PLPP1: variants seen among roughly 807,000 people sequenced by gnomAD.
PLPP1 encodes the protein lipid phosphate phosphohydrolase 1a.
In PLPP1, 24 loss-of-function variants were observed where a neutral mutation model predicts 31.2. That is an observed-to-expected ratio of 0.77 (90% CI 0.56 to 1.08). The LOEUF (loss-of-function observed/expected upper bound fraction) is 1.08. PLPP1 is among the 50% of genes least tolerant of loss of function. PLPP1 has a pLI of 0.00. For missense variants in PLPP1, 319 were observed against 342.7 expected (o/e 0.93, Z 0.55); for synonymous variants, 146 against 126.3 (o/e 1.16, Z -1.05).
chr5:55,532,215 A>G (rs1440576043), intron 1 of PLPP1, among the ~76,000 whole-genome samples: 2 of 152,012 alleles, frequency 1.3e-5, no homozygotes, highest in Non-Finnish European at 2.9e-5. Context: ...CAGTTCCTCC[A>G]TTATATGTGA....
chr5:55,444,896 C>T (rs951176079), intron 3 of PLPP1, among the ~76,000 whole-genome samples: 3 of 151,836 alleles, frequency 2.0e-5, no homozygotes. Context: ...ACTACAGGTG[C>T]GCACCACCAC....
chr5:55,527,513 A>G (rs1561259063), intron 1 of PLPP1, among the ~76,000 whole-genome samples: 1 of 152,200 alleles, frequency 6.6e-6, no homozygotes, highest in African/African-American at 2.4e-5. Context: ...GCCATTAAGG[A>G]CACTGTAATT....
chr5:55,475,390 C>T lies in PLPP1; in HGVS notation c.119G>A (p.Cys40Tyr). ...AGGGTACTTGATGGACTCATCATTACAGAATACTCCTCGTTGGAAGGGGGT... is the reference window on the plus strand; with the variant it reads ...AGGGTACTTGATGGACTCATCATTATAGAATACTCCTCGTTGGAAGGGGGT... ...RHTPFQRGVF[C>Y]NDESIKYPYK... Residue 40 changes from cysteine to tyrosine, a missense_variant, in exon 2 of 6, where the codon TGT becomes TAT. Transcript: ENST00000307259. 6.2e-7 allele frequency: 1 copy of T among 1,612,684 alleles called. No homozygotes were observed. The highest frequency in any genetic ancestry group is 1.1e-5 in the South Asian group (1 of 90,964).
At chr5:55,482,334 T>TCAGTTTC (rs1752689471) in intron 1 of PLPP1, among the ~76,000 whole-genome samples, 1 of 151,686 alleles carries the variant, frequency 6.6e-6, no homozygotes, top group African/African-American at 2.4e-5. Context: ...GGAAATATGG[T>TCAGTTTC]CAGTTTCCAC....
intron 3 of PLPP1, among the ~76,000 whole-genome samples, chr5:55,458,937 A>C (rs557008851): frequency 2.0e-5 from 3 of 149,964 alleles, no homozygotes; most frequent in East Asian, 3.9e-4. Flanking sequence ...AATGGCAGAA[A>C]AATCCAGCCA....
intron 1 of PLPP1, among the ~76,000 whole-genome samples, chr5:55,513,863 C>T (rs1347820988): frequency 6.6e-6 from 1 of 151,992 alleles, no homozygotes; most frequent in Non-Finnish European, 1.5e-5. Context: ...GAGGTCAAGG[C>T]TACAGTGAGC....
intron 3 of PLPP1, among the ~76,000 whole-genome samples, chr5:55,444,084 C>CTTTT (rs11374794): frequency 7.1e-6 from 1 of 140,638 alleles, no homozygotes; most frequent in African/African-American, 2.6e-5. Flanking sequence ...AGCCCAAATG[C>CTTTT]TTTTTTTTTT....
At chr5:55,486,892 G>A (rs558801993) in intron 1 of PLPP1, among the ~76,000 whole-genome samples, 81 of 151,470 alleles carry the variant, frequency 5.3e-4, no homozygotes, top group South Asian at 1.3e-3. Context: ...CAGCTTGGGC[G>A]ACAGAGCGAG....
At chr5:55,457,661 T>A (rs878987856) in intron 3 of PLPP1, among the ~76,000 whole-genome samples, 3 of 152,080 alleles carry the variant, frequency 2.0e-5, no homozygotes, top group Non-Finnish European at 4.4e-5. Context: ...GAGGCCAAGG[T>A]GGGCAGATCA....
chr5:55,465,036 G>T (rs1561233262), intron 3 of PLPP1, among the ~76,000 whole-genome samples: 1 of 108,182 alleles, frequency 9.2e-6, no homozygotes, highest in African/African-American at 3.3e-5. Flanking sequence ...TTTTTATGTG[G>T]GGCGGAGGTG....
intron 3 of PLPP1, among the ~76,000 whole-genome samples, chr5:55,446,771 G>A (rs946283735): frequency 2.6e-5 from 4 of 152,166 alleles, no homozygotes; most frequent in African/African-American, 9.7e-5. Context: ...GTGTGAGTGT[G>A]GTCCTGTGTT....
chr5:55,498,702 C>CAA (rs546216139), intron 1 of PLPP1, among the ~76,000 whole-genome samples: 2 of 110,672 alleles, frequency 1.8e-5, no homozygotes, highest in African/African-American at 3.3e-5. Flanking sequence ...CAAGAAGGGA[C>CAA]AAAAAAAAAA....
At chr5:55,470,913 A>G (rs1186225493) in intron 2 of PLPP1, among the ~76,000 whole-genome samples, 1 of 152,236 alleles carries the variant, frequency 6.6e-6, no homozygotes, top group Non-Finnish European at 1.5e-5. Flanking sequence ...TGAAGTTCAA[A>G]GCTAATAATT....
intron 1 of PLPP1, chr5:55,484,655 A>G (rs1752739147): frequency 1.3e-5 from 2 of 152,172 alleles, no homozygotes; most frequent in Non-Finnish European, 2.9e-5. Context: ...CGAAAACCTT[A>G]CAATTTCCTG....
At chr5:55,473,994 G>GTTTTTGTTT (rs59649742) in intron 2 of PLPP1, among the ~76,000 whole-genome samples, 120,194 of 144,886 alleles carry the variant, frequency 0.83, 50,385 homozygotes, top group South Asian at 0.9. Context: ...TTGTTTGTTT[G>GTTTTTGTTT]TTGTTTTTTT....
Position 55,534,600 on chromosome 5 carries a change from C to T in PLPP1, c.30G>A (p.Val10=), listed in dbSNP as rs1253329114. The T allele has an allele frequency of 6.4e-7, 1 of 1,558,282 alleles. No homozygotes were observed. Among genetic ancestry groups the T allele is most frequent in the East Asian group, 2.4e-5 (1 of 40,922 alleles). The change falls in exon 1 of 6, where the codon GTG becomes GTA. Residue 10 remains valine (V), a synonymous_variant. Coordinates refer to ENST00000307259, the MANE Select transcript of PLPP1 (RefSeq NM_003711.4). ...GCAACACGCAGAGCACATCGAGGGC[C>T]ACGTACGGCAGCCGCGTCTTGTCAA... The part of the protein sequence containing the change: MFDKTRLPY[V]ALDVLCVLLA...
intron 3 of PLPP1, among the ~76,000 whole-genome samples, chr5:55,457,795 A>G (rs1462079981): frequency 6.6e-6 from 1 of 151,744 alleles, no homozygotes; most frequent in Non-Finnish European, 1.5e-5. Context: ...AGGCTGAGGC[A>G]GGAGAATCGC....
chr5:55,467,238 G>A (rs756707696), intron 3 of PLPP1, among the ~76,000 whole-genome samples: 1 of 152,236 alleles, frequency 6.6e-6, no homozygotes, highest in East Asian at 1.9e-4. Flanking sequence ...ATCAGGGTTC[G>A]GCAAACTTTG....
At chr5:55,501,949 A>G (rs187659894) in intron 1 of PLPP1, among the ~76,000 whole-genome samples, 9 of 152,342 alleles carry the variant, frequency 5.9e-5, no homozygotes, top group Non-Finnish European at 1.0e-4. Context: ...TTTAGTCACC[A>G]CTTCTTGAAA....
Sources: allele counts gnomAD v4.1 joint callset (sites outside exome capture counted in the v4.1 genomes callset), GRCh38; gene constraint gnomAD v4.1.1; transcripts MANE v1.5; gene names NCBI Gene and HGNC (gene_info 2026-07-23, HGNC 2026-07-21).